BROX: variants seen among roughly 807,000 people sequenced by gnomAD.
BROX encodes the protein BRO1 domain-containing protein BROX.
A neutral mutation model predicts 61.0 loss-of-function variants in BROX; 53 were observed. The observed-to-expected ratio is 0.87, with a 90% CI of 0.70 to 1.09. The LOEUF (loss-of-function observed/expected upper bound fraction) is 1.09. Among genes scored for constraint, BROX ranks in the 50% least tolerant of loss-of-function variants. The pLI is 0.00. For synonymous variants in BROX, 152 were observed against 160.2 expected (o/e 0.95, Z 0.38); for missense variants, 489 against 472.0 (o/e 1.04, Z -0.33).
intron 10 of BROX, 34 bp from the exon 11 acceptor site, chr1:222,729,993 T>C (rs1474469838): frequency 1.3e-6 from 2 of 1,576,580 alleles, no homozygotes; most frequent in Non-Finnish European, 1.7e-6. Flanking sequence ...GTGTTAATTA[T>C]AATCAAAAGA....
chr1:222,723,912 GCCTC>G (rs1274635306), intron 5 of BROX, among the ~76,000 whole-genome samples, 176 bp from the exon 6 acceptor site: 1 of 152,150 alleles, frequency 6.6e-6, no homozygotes, highest in Non-Finnish European at 1.5e-5. Context: ...GCCCGTCTCG[GCCTC>G]CCAAAGTGCT....
intron 11 of BROX, among the ~76,000 whole-genome samples, chr1:222,730,601 T>C (rs962928107): frequency 6.6e-6 from 1 of 152,190 alleles, no homozygotes; most frequent in African/African-American, 2.4e-5. Context: ...CTCAAATATA[T>C]ATAGTATTTA....
rs780674127 is a variant in BROX at position 222,730,070 on chromosome 1, C to T, written c.882C>T (p.Thr294=). The T allele has an allele frequency of 1.9e-6, 3 of 1,612,924 alleles. No homozygotes were observed. The Admixed American group carries it at 5.0e-5, about 27-fold the overall frequency. Residue 294 remains threonine, a synonymous_variant, in exon 11 of 13, where the codon ACC becomes ACT. Coordinates refer to ENST00000340934, the MANE Select transcript of BROX (RefSeq NM_144695.4). ...AEALCKEYGE[T]KGPGPTVKPS... ...CACTGTGTAAAGAATATGGAGAAAC[C>T]AAAGGACCTGGACCAACAGTCAAAC...
Position 222,730,030 on chromosome 1 carries a change from A to T in BROX, c.842A>T (p.Tyr281Phe). Residue 281 changes from tyrosine to phenylalanine, a missense_variant, in exon 11 of 13, where the codon TAT (tyrosine) becomes TTT (phenylalanine). Tyr to Phe is a conservative substitution (Grantham distance 22). Coordinates refer to ENST00000340934, the MANE Select transcript of BROX (RefSeq NM_144695.4). The stretch of plus-strand genomic sequence containing the variant: ...TTTAAATCTCTTTCACATGCAGTGT[A>T]TGCAAAGGCAGAAGCACTGTGTAAA... The part of the protein sequence containing the change: ...IRSLQEAEKL[Y>F]AKAEALCKEY... The T allele has an allele frequency of 6.2e-7, 1 of 1,602,678 alleles. No homozygotes were observed. The highest frequency in any genetic ancestry group is 1.3e-5 in the African/African-American group (1 of 74,338).
At chr1:222,731,289 C>A in intron 11 of BROX, 68 bp from the exon 12 acceptor site, 2 of 1,338,848 alleles carry the variant, frequency 1.5e-6, no homozygotes, top group Non-Finnish European at 1.0e-6. Flanking sequence ...CCAAACAGGA[C>A]CTTGAACATA....
At chr1:222,721,708 C>T (rs1239439259) in intron 4 of BROX, among the ~76,000 whole-genome samples, 3 of 152,086 alleles carry the variant, frequency 2.0e-5, no homozygotes, top group African/African-American at 2.4e-5. Flanking sequence ...ATAAAATATA[C>T]TTGTGTTCAG....
intron 11 of BROX, among the ~76,000 whole-genome samples, 154 bp from the exon 12 acceptor site, chr1:222,731,203 A>C (rs1241943031): frequency 6.6e-6 from 1 of 152,188 alleles, no homozygotes; most frequent in Non-Finnish European, 1.5e-5. Context: ...ATTGTAATTG[A>C]CAAAAGTTTC....
At chr1:222,713,412 C>G in intron 1 of BROX, 1 of 985,420 alleles carries the variant, frequency 1.0e-6, no homozygotes, top group Non-Finnish European at 1.2e-6. Flanking sequence ...GGGGGCGGCG[C>G]TCAGGTAGGT....
At chr1:222,731,591 T>C (rs1657944607) in intron 12 of BROX, 75 bp downstream of exon 12, 1 of 1,457,800 alleles carries the variant, frequency 6.9e-7, no homozygotes, top group African/African-American at 1.4e-5. Flanking sequence ...ATTTTGATAT[T>C]TTTCTCTAAA....
At chr1:222,726,845 A>C (rs925418758) in intron 7 of BROX, among the ~76,000 whole-genome samples, 1 of 152,188 alleles carries the variant, frequency 6.6e-6, no homozygotes, top group African/African-American at 2.4e-5. Flanking sequence ...TGATCAAGCC[A>C]CTGCACTCCA....
intron 1 of BROX, among the ~76,000 whole-genome samples, chr1:222,715,456 C>A (rs981407159): frequency 6.6e-6 from 1 of 152,054 alleles, no homozygotes; most frequent in African/African-American, 2.4e-5. Context: ...GCCTGTAATC[C>A]CAACACTTTG....
intron 8 of BROX, among the ~76,000 whole-genome samples, chr1:222,727,976 C>A (rs930708160): frequency 1.3e-5 from 2 of 152,150 alleles, no homozygotes; most frequent in Non-Finnish European, 2.9e-5. Flanking sequence ...CTGGAAACTT[C>A]AGACAGTGAC....
chr1:222,728,851 A>G (rs1657718240), intron 9 of BROX, 23 bp downstream of exon 9: 2 of 1,514,132 alleles, frequency 1.3e-6, no homozygotes, highest in Non-Finnish European at 1.8e-6. Context: ...AACGCTAAAA[A>G]CAATGTAAAT....
At chr1:222,725,793 C>T (rs1389077436) in intron 7 of BROX, among the ~76,000 whole-genome samples, 1 of 151,998 alleles carries the variant, frequency 6.6e-6, no homozygotes, top group Non-Finnish European at 1.5e-5. Flanking sequence ...TCCTGTAGTC[C>T]CAGCTTCCCA....
rs756495462 is a variant in BROX, at chr1:222,731,559, T to G, written c.1149+43T>G. On this transcript the variant is annotated intron_variant, in intron 12 of 12. Transcript: ENST00000340934. ...TTTTTCCCTCTCATTCACAAAAGTTTAAAAGAAAATTCAGAGTTAGCATTT... is the reference window on the plus strand; with the variant it reads ...TTTTTCCCTCTCATTCACAAAAGTTGAAAAGAAAATTCAGAGTTAGCATTT... 6.4e-6 allele frequency: 10 copies of G among 1,552,460 alleles called. No individual in the cohort carries two copies. The East Asian group carries it at 6.8e-5, about 11-fold the overall frequency.
Position 222,715,718 on chromosome 1 carries a change from A to G in BROX, c.19A>G (p.Arg7Gly). The change falls in exon 2 of 13, where the codon AGG (arginine) becomes GGG (glycine). Residue 7 changes from arginine (R) to glycine (G), a missense_variant. By Grantham distance (125) the Arg-to-Gly change is moderately radical. Coordinates refer to ENST00000340934, the MANE Select transcript of BROX (RefSeq NM_144695.4). ...GGAGAAAATGACCCATTGGTTTCAT[A>G]GGAACCCATTAAAAGCCACAGCTCC... MTHWFH[R>G]NPLKATAPVS... 2 of 1,572,308 alleles carry G rather than the reference A, an allele frequency of 1.3e-6. No individual in the cohort carries two copies. Among genetic ancestry groups the G allele is most frequent in the Non-Finnish European group, 1.7e-6 (2 of 1,157,728 alleles).
At chr1:222,713,167 G>C (rs1219648407) in intron 1 of BROX, 1 of 977,364 alleles carries the variant, frequency 1.0e-6, no homozygotes, top group Middle Eastern at 5.2e-4. Flanking sequence ...CCCTTGCCCC[G>C]CATCTCCATT....
At chr1:222,729,879 A>G in intron 10 of BROX, 148 bp from the exon 11 acceptor site, 1 of 971,282 alleles carries the variant, frequency 1.0e-6, no homozygotes, top group Non-Finnish European at 1.5e-6. Context: ...GAAAATACAC[A>G]CCTTCTACTT....
At chr1:222,714,209 CTTT>C (rs397864188) in intron 1 of BROX, among the ~76,000 whole-genome samples, 20 of 126,794 alleles carry the variant, frequency 1.6e-4, no homozygotes, top group Non-Finnish European at 2.3e-4. Context: ...AGACATGCTG[CTTT>C]TTTTTTTTTT....
Sources: allele counts gnomAD v4.1 joint callset (sites outside exome capture counted in the v4.1 genomes callset), GRCh38; gene constraint gnomAD v4.1.1; transcripts MANE v1.5; gene names NCBI Gene and HGNC (gene_info 2026-07-23, HGNC 2026-07-21).